Variants in NCAM1 observed in about 807,000 individuals in gnomAD.
NCAM1 encodes antigen recognized by monoclonal antibody 5.1H11.
Under a neutral mutation model 109.8 loss-of-function variants are expected in NCAM1, and 14 were observed. The observed-to-expected ratio is 0.13, with a 90% confidence interval of 0.08 to 0.20. NCAM1 has a LOEUF of 0.20. NCAM1 is among the 10% of genes least tolerant of loss of function. NCAM1 has a pLI of 1.00. For synonymous variants in NCAM1, 418 were observed against 442.9 expected (o/e 0.94, Z 0.70); for missense variants, 774 against 1,109.9 (o/e 0.70, Z 4.30).
At chr11:113,264,737 G>A (rs1946099157) in intron 17 of NCAM1, 1 of 985,426 alleles carries the variant, frequency 1.0e-6, no homozygotes. Context: ...GGACTGACGT[G>A]GCCCTGTCAT....
At chr11:113,213,619 C>G (rs1353396123) in intron 7 of NCAM1, among the ~76,000 whole-genome samples, 1 of 152,198 alleles carries the variant, frequency 6.6e-6, no homozygotes, top group Non-Finnish European at 1.5e-5. Flanking sequence ...CTTCTCACCC[C>G]TCCTTGCCCT....
chr11:112,998,031 C>G (rs1951644330), intron 1 of NCAM1, among the ~76,000 whole-genome samples: 1 of 152,112 alleles, frequency 6.6e-6, no homozygotes, highest in African/African-American at 2.4e-5. Flanking sequence ...CAGCAGAGGG[C>G]AGAGCTGGGG....
chr11:112,999,007 T>A (rs1156368152), intron 1 of NCAM1, among the ~76,000 whole-genome samples: 1 of 152,160 alleles, frequency 6.6e-6, no homozygotes, highest in African/African-American at 2.4e-5. Context: ...CCCCTCCCCC[T>A]CTTTATTTCA....
intron 1 of NCAM1, among the ~76,000 whole-genome samples, chr11:113,048,914 C>T (rs1555081308): frequency 1.3e-5 from 2 of 152,224 alleles, no homozygotes. Flanking sequence ...TTCAGTATTC[C>T]TTGAAGGGGT....
chr11:112,976,548 A>T (rs1468102297), intron 1 of NCAM1, among the ~76,000 whole-genome samples: 1 of 151,892 alleles, frequency 6.6e-6, no homozygotes, highest in Admixed American at 6.6e-5. Context: ...AGTGCCTTGG[A>T]CTAGCTGGAC....
At chr11:112,992,021 G>T (rs1441660215) in intron 1 of NCAM1, among the ~76,000 whole-genome samples, 1 of 151,862 alleles carries the variant, frequency 6.6e-6, no homozygotes, top group East Asian at 1.9e-4. Flanking sequence ...AAATTCTATT[G>T]TAATTATGAA....
intron 1 of NCAM1, among the ~76,000 whole-genome samples, chr11:113,165,323 A>G (rs1942753669): frequency 6.6e-6 from 1 of 152,192 alleles, no homozygotes; most frequent in African/African-American, 2.4e-5. Flanking sequence ...CACCTGTTCA[A>G]AAAGATAATT....
chr11:113,159,375 AAAT>A (rs1432723724), intron 1 of NCAM1, among the ~76,000 whole-genome samples: 1 of 152,182 alleles, frequency 6.6e-6, no homozygotes, highest in African/African-American at 2.4e-5. Flanking sequence ...GTTGGAAATA[AAAT>A]AATACTAGAT....
At chr11:113,252,628 C>A (rs1199226052) in intron 15 of NCAM1, among the ~76,000 whole-genome samples, 1 of 151,684 alleles carries the variant, frequency 6.6e-6, no homozygotes, top group African/African-American at 2.4e-5. Flanking sequence ...AAATAATAAA[C>A]CTAAATATTA....
At chr11:113,187,014 G>C (rs782256885) in intron 1 of NCAM1, among the ~76,000 whole-genome samples, 1 of 152,180 alleles carries the variant, frequency 6.6e-6, no homozygotes, top group Non-Finnish European at 1.5e-5. Context: ...CTCAACTGAA[G>C]TTCTTAGCTC....
chr11:113,260,484 C>A, intron 17 of NCAM1, 161 bp downstream of exon 17: 3 of 738,438 alleles, frequency 4.1e-6, no homozygotes, highest in Non-Finnish European at 6.4e-6. Flanking sequence ...CCTATCTGTG[C>A]AGTGGGGTGA....
intron 1 of NCAM1, among the ~76,000 whole-genome samples, chr11:113,132,525 C>G (rs1941430140): frequency 2.6e-5 from 4 of 151,960 alleles, no homozygotes; most frequent in African/African-American, 9.7e-5. Context: ...GCAGTCAACA[C>G]AACTCCCAGC....
rs139721450 is a variant in NCAM1, at chr11:113,056,120, C to T, written c.52+94456C>T. Among the ~76,000 whole-genome samples the T allele has an allele frequency of 1.2e-3, 178 of 147,742 alleles. 1 individual carries two copies. Among genetic ancestry groups the T allele is most frequent in the African/African-American group, 4.2e-3 (168 of 40,030 alleles). On this transcript the variant is annotated intron_variant, in intron 1 of 19. Coordinates refer to ENST00000316851, the MANE Select transcript of NCAM1 (RefSeq NM_181351.5). ...TCATTTGCAGCAACATGGATGGAAC[C>T]GGAGGTCTTTATGTTAAGTGAAATA...
chr11:113,035,134 A>G (rs1378631193), intron 1 of NCAM1, among the ~76,000 whole-genome samples: 3 of 152,144 alleles, frequency 2.0e-5, no homozygotes, highest in Non-Finnish European at 4.4e-5. Context: ...TTGTTACAAA[A>G]CCCATACATT....
At chr11:113,066,067 C>A (rs1449089851) in intron 1 of NCAM1, among the ~76,000 whole-genome samples, 1 of 152,196 alleles carries the variant, frequency 6.6e-6, no homozygotes, top group Non-Finnish European at 1.5e-5. Flanking sequence ...CATTCATTTT[C>A]ATAATTCATC....
intron 15 of NCAM1, 66 bp downstream of exon 15, chr11:113,246,436 C>T (rs1945506080): frequency 2.8e-6 from 2 of 709,822 alleles, no homozygotes; most frequent in East Asian, 2.6e-5. Flanking sequence ...AGGGCACACT[C>T]ATTTCTTCCT....
chr11:112,977,361 T>C (rs559730261), intron 1 of NCAM1: 2 of 151,982 alleles, frequency 1.3e-5, no homozygotes, highest in East Asian at 1.9e-4. Context: ...TCTAGTATTA[T>C]AGCTCTTTTA....
chr11:113,194,559 A>G (rs1419840414), intron 1 of NCAM1, among the ~76,000 whole-genome samples: 1 of 152,174 alleles, frequency 6.6e-6, no homozygotes, highest in Non-Finnish European at 1.5e-5. Flanking sequence ...TTTGGTTTAG[A>G]GATGTCTATA....
intron 14 of NCAM1, chr11:113,240,743 C>T: frequency 6.3e-7 from 1 of 1,584,398 alleles, no homozygotes. Context: ...TATCTGTGTG[C>T]CTCAATGATC....
Sources: gnomAD v4.1 joint callset for allele counts (sites outside exome capture counted in the v4.1 genomes callset) on GRCh38, gnomAD v4.1.1 for gene constraint, MANE v1.5 for transcripts, NCBI Gene and HGNC (gene_info 2026-07-23, HGNC 2026-07-21) for gene names.